The following TENM3 variants were observed in gnomAD, a reference collection of about 807,000 sequenced individuals.
TENM3 encodes the protein teneurin transmembrane protein 3.
In TENM3, 63 loss-of-function variants were observed where a neutral mutation model predicts 255.1. The observed-to-expected ratio is 0.25, with a 90% CI of 0.20 to 0.30. TENM3 has a LOEUF of 0.30. Among genes scored for constraint, TENM3 ranks in the 10% least tolerant of loss-of-function variants. The pLI is 1.00. For missense variants in TENM3, 2,929 were observed against 3,461.1 expected (o/e 0.85, Z 3.86); for synonymous variants, 1,306 against 1,322.3 (o/e 0.99, Z 0.27).
chr4:181,806,630 T>C, the TENM3 span, among the ~76,000 whole-genome samples: 4 of 152,334 alleles, frequency 2.6e-5, no homozygotes, highest in Admixed American at 2.0e-4. Context: ...GCCTTCAAGA[T>C]GGCATCTCGG....
At chr4:182,055,837 G>A in the TENM3 span, among the ~76,000 whole-genome samples, 420 of 152,184 alleles carry the variant, frequency 2.8e-3, 6 homozygotes, top group African/African-American at 7.5e-3. Flanking sequence ...AGATAAGTGC[G>A]TATATCATAT....
At chr4:181,579,499 G>T in the TENM3 span, among the ~76,000 whole-genome samples, 1 of 152,164 alleles carries the variant, frequency 6.6e-6, no homozygotes, top group African/African-American at 2.4e-5. Context: ...ATTTAAGCAG[G>T]CAGGCAATAG....
intron 24 of TENM3, among the ~76,000 whole-genome samples, chr4:182,785,272 A>G (rs1765549616): frequency 6.6e-6 from 1 of 151,604 alleles, no homozygotes; most frequent in African/African-American, 2.4e-5. Flanking sequence ...GGATTTCACC[A>G]TGTTGCCCAG....
intron 3 of TENM3, among the ~76,000 whole-genome samples, chr4:182,500,490 A>C (rs1736205027): frequency 6.6e-6 from 1 of 152,176 alleles, no homozygotes; most frequent in African/African-American, 2.4e-5. Context: ...GATTGCTAAC[A>C]TCACTGTCAT....
At chr4:182,744,816 A>G (rs1378610169) in intron 19 of TENM3, among the ~76,000 whole-genome samples, 1 of 152,198 alleles carries the variant, frequency 6.6e-6, no homozygotes, top group Non-Finnish European at 1.5e-5. Flanking sequence ...AAAGTGAAGG[A>G]CGAATATAGT....
At chr4:182,423,811 T>A (rs887466457) in intron 3 of TENM3, among the ~76,000 whole-genome samples, 1 of 152,228 alleles carries the variant, frequency 6.6e-6, no homozygotes, top group Non-Finnish European at 1.5e-5. Flanking sequence ...GGACTTCTTA[T>A]AAGGCATGAG....
the TENM3 span, among the ~76,000 whole-genome samples, chr4:181,865,204 A>G: frequency 2.0e-5 from 3 of 152,210 alleles, no homozygotes; most frequent in Non-Finnish European, 4.4e-5. Flanking sequence ...CTGTTTGGAT[A>G]TTAGCTTAGA....
chr4:182,440,030 G>A (rs1184919223), intron 3 of TENM3, among the ~76,000 whole-genome samples: 1 of 150,992 alleles, frequency 6.6e-6, no homozygotes, highest in Non-Finnish European at 1.5e-5. Context: ...GCTCTCGTAA[G>A]TATCACTGTT....
At chr4:181,619,294 A>G in the TENM3 span, among the ~76,000 whole-genome samples, 1 of 152,174 alleles carries the variant, frequency 6.6e-6, no homozygotes, top group Non-Finnish European at 1.5e-5. Context: ...GCCCTTTATT[A>G]AAGCCTTCTG....
chr4:181,782,409 G>A, the TENM3 span, among the ~76,000 whole-genome samples: 1 of 152,182 alleles, frequency 6.6e-6, no homozygotes, highest in Non-Finnish European at 1.5e-5. Flanking sequence ...TATTTGCATA[G>A]AGTTGTTTAT....
the TENM3 span, among the ~76,000 whole-genome samples, chr4:182,058,154 A>C: frequency 4.2e-5 from 2 of 47,076 alleles, no homozygotes; most frequent in Non-Finnish European, 1.1e-4. Flanking sequence ...AATAGGCAGG[A>C]TATTTGGGGT....
chr4:182,223,783 CAAAAAAAAAA>C (rs61535632), intron 1 of TENM3, among the ~76,000 whole-genome samples: 1 of 112,998 alleles, frequency 8.8e-6, no homozygotes, highest in Non-Finnish European at 1.7e-5. Context: ...GATAGATTGG[CAAAAAAAAAA>C]AAAAAAAAGG....
chr4:181,707,285 A>G, the TENM3 span, among the ~76,000 whole-genome samples: 2 of 152,284 alleles, frequency 1.3e-5, no homozygotes, highest in South Asian at 4.1e-4. Context: ...GGGTTTTATA[A>G]TAAGTTTGAA....
chr4:181,730,221 C>T, the TENM3 span, among the ~76,000 whole-genome samples: 1 of 152,034 alleles, frequency 6.6e-6, no homozygotes. Flanking sequence ...GCAGGGTTTT[C>T]GCATTAAAAT....
the TENM3 span, among the ~76,000 whole-genome samples, chr4:181,669,796 C>G: frequency 6.6e-6 from 1 of 152,160 alleles, no homozygotes; most frequent in Admixed American, 6.5e-5. Flanking sequence ...ATGAAGCCCA[C>G]TCTGTTTAAG....
chr4:181,548,260 T>G, the TENM3 span, among the ~76,000 whole-genome samples: 1 of 152,176 alleles, frequency 6.6e-6, no homozygotes, highest in East Asian at 1.9e-4. Context: ...TGGCGATCCC[T>G]CAGGAATCTG....
chr4:182,013,310 G>T, the TENM3 span, among the ~76,000 whole-genome samples: 1 of 152,222 alleles, frequency 6.6e-6, no homozygotes, highest in Non-Finnish European at 1.5e-5. Context: ...CCTAGCAGAT[G>T]CAGTAAAGCT....
At chr4:181,769,009 A>G in the TENM3 span, among the ~76,000 whole-genome samples, 275 of 152,198 alleles carry the variant, frequency 1.8e-3, 2 homozygotes, top group African/African-American at 6.4e-3. Context: ...CTCGTTTTCA[A>G]GAGATTTTTT....
intron 1 of TENM3, among the ~76,000 whole-genome samples, chr4:182,232,568 A>C (rs1315137411): frequency 6.6e-6 from 1 of 152,118 alleles, no homozygotes; most frequent in Non-Finnish European, 1.5e-5. Context: ...TACTAAAAAT[A>C]CGAAAATTAG....
Sources: gnomAD v4.1 joint callset for allele counts (sites outside exome capture counted in the v4.1 genomes callset) on GRCh38, gnomAD v4.1.1 for gene constraint, MANE v1.5 for transcripts, NCBI Gene and HGNC (gene_info 2026-07-23, HGNC 2026-07-21) for gene names.